Variants in TNC observed in about 807,000 individuals in gnomAD.
The protein encoded by TNC is tenascin C, also known as tenascin.
Under a neutral mutation model 202.4 loss-of-function variants are expected in TNC, and 109 were observed. That is an observed-to-expected ratio of 0.54 (90% CI 0.46 to 0.63). The LOEUF (loss-of-function observed/expected upper bound fraction) is 0.63. Among genes scored for constraint, TNC ranks in the 30% least tolerant of loss-of-function variants. The pLI is 0.00. For synonymous variants in TNC, 1,007 were observed against 1,089.7 expected, an observed-to-expected ratio of 0.92 and a Z score of 1.50; for missense variants, 2,756 against 2,833.3, an observed-to-expected ratio of 0.97 and a Z score of 0.62.
chr9:115,091,643 A>G (rs1051454096), intron 1 of TNC, among the ~76,000 whole-genome samples: 152 of 152,364 alleles, frequency 1.0e-3, no homozygotes, highest in African/African-American at 3.5e-3. Flanking sequence ...GTAGATGTTC[A>G]GTAACTCTTG....
intron 10 of TNC, 105 bp downstream of exon 10, chr9:115,073,498 G>T: frequency 7.2e-7 from 1 of 1,382,442 alleles, no homozygotes; most frequent in Non-Finnish European, 9.8e-7. Context: ...GGAGAAAGTG[G>T]CTTGCTTTTG....
chr9:115,064,997 C>A, intron 10 of TNC, 78 bp from the exon 11 acceptor site: 1 of 1,522,800 alleles, frequency 6.6e-7, no homozygotes, highest in South Asian at 1.2e-5. Flanking sequence ...AATGGCAAAC[C>A]CAATGCCACA....
chr9:115,048,211 C>A (rs186694670), intron 16 of TNC, 49 bp downstream of exon 16: 2 of 1,593,682 alleles, frequency 1.3e-6, no homozygotes, highest in Admixed American at 3.5e-5. Context: ...ACAGATTACA[C>A]AGAAGGGGAC....
At chr9:115,111,144 C>T (rs1031971196) in intron 1 of TNC, among the ~76,000 whole-genome samples, 3 of 152,048 alleles carry the variant, frequency 2.0e-5, no homozygotes, top group Non-Finnish European at 4.4e-5. Context: ...GTGAACTTGT[C>T]ATTGATAAGA....
Position 115,021,174 on chromosome 9 carries a change from T to A in TNC, c.6589A>T (p.Arg2197Trp). The stretch of plus-strand genomic sequence containing the variant: ...CCTGGAATTTATGCCCGTTTGCGCC[T>A]GCCTTCAAGATTTCTGAAGTTGCTT... The part of the protein sequence containing the change: ...RPSNFRNLEG[R>W]RKRA Residue 2197 changes from arginine (R) to tryptophan (W), a missense_variant, in exon 28 of 28, where the codon AGG becomes TGG. By Grantham distance (101) the Arg-to-Trp change is moderately radical. Coordinates refer to ENST00000350763, the MANE Select transcript of TNC (RefSeq NM_002160.4). 1 of 1,613,930 alleles carries A rather than the reference T, an allele frequency of 6.2e-7. No individual in the cohort carries two copies. The highest frequency in any genetic ancestry group is 8.5e-7 in the Non-Finnish European group (1 of 1,179,872).
chr9:115,111,773 G>A (rs961549162), intron 1 of TNC, among the ~76,000 whole-genome samples: 23 of 152,010 alleles, frequency 1.5e-4, no homozygotes, highest in African/African-American at 5.6e-4. Context: ...CATGTGGCAA[G>A]GAACTGAGGG....
At chr9:115,111,431 G>A (rs112637280) in intron 1 of TNC, among the ~76,000 whole-genome samples, 16,380 of 90,632 alleles carry the variant, frequency 0.18, 1,276 homozygotes, top group Middle Eastern at 0.29. Context: ...TTTTTGAGAT[G>A]GAATCTCGCT....
Position 115,048,259 on chromosome 9 carries a change from C to A in TNC, c.4852+1G>T. The A allele has an allele frequency of 6.2e-7, 1 of 1,612,720 alleles. No homozygotes were observed. The highest frequency in any genetic ancestry group is 8.5e-7 in the Non-Finnish European group (1 of 1,179,240). ...CAAATGGCTCACTTGATTTGAAATA[C>A]CTGTAACAATCTCAGCCCTCAAGGG... On this transcript the variant is annotated splice_donor_variant, in intron 16 of 27. Transcript: ENST00000350763. LOFTEE classifies it high-confidence loss of function.
chr9:115,034,110 T>C (rs1830141175), intron 22 of TNC, among the ~76,000 whole-genome samples: 2 of 152,332 alleles, frequency 1.3e-5, no homozygotes, highest in African/African-American at 4.8e-5. Flanking sequence ...ATTCAGATGG[T>C]AGGCTGAGGT....
chr9:115,057,670 T>C (rs1832240674), intron 14 of TNC, among the ~76,000 whole-genome samples: 1 of 152,272 alleles, frequency 6.6e-6, no homozygotes. Flanking sequence ...TTGCCACATA[T>C]AATCAGGCCC....
intron 13 of TNC, among the ~76,000 whole-genome samples, chr9:115,061,771 C>A (rs1832566258): frequency 1.3e-5 from 2 of 152,158 alleles, no homozygotes; most frequent in African/African-American, 4.8e-5. Context: ...TCCCATAGCC[C>A]TTTTTGAAGC....
Position 115,078,160 on chromosome 9 carries a change from G to A in TNC, c.2457C>T (p.Ala819=), listed in dbSNP as rs201854765. 10 of 1,613,106 alleles carry A rather than the reference G, an allele frequency of 6.2e-6. No individual in the cohort carries two copies. In the East Asian group the frequency reaches 1.8e-4, roughly 29 times the overall value. The change falls in exon 7 of 28, where the codon GCC becomes GCT. Residue 819 remains alanine, a synonymous_variant. Transcript: ENST00000350763. ...CCAGGGGCTTGAACCAGGTGATCAA[G>A]GCAGTGGTGTCTGTGACATCTTTCA... ...IEVKDVTDTT[A]LITWFKPLAE...
At chr9:115,094,864 T>A (rs1835512602) in intron 1 of TNC, among the ~76,000 whole-genome samples, 1 of 149,872 alleles carries the variant, frequency 6.7e-6, no homozygotes, top group Non-Finnish European at 1.5e-5. Context: ...TGTGTGTGTG[T>A]GTGTGTGCGT....
chr9:115,051,010 C>A (rs1831605359), intron 15 of TNC, among the ~76,000 whole-genome samples: 1 of 152,048 alleles, frequency 6.6e-6, no homozygotes, highest in Non-Finnish European at 1.5e-5. Flanking sequence ...GCAATTTAGA[C>A]CCTGGGAGAG....
At position 115,020,556 on chromosome 9, in the gene TNC, T is replaced by TAA; in HGVS notation, c.*600_*601insTT. On this transcript the variant is annotated 3_prime_UTR_variant, in exon 28 of 28. Transcript: ENST00000350763. Reference sequence around the variant, plus strand: ...AACTCAAAAGTACTTGTGCTTTTATTTAAAAAAAAAATACAATCAGGTACT... The same window carrying TAA: ...AACTCAAAAGTACTTGTGCTTTTATTAATAAAAAAAAAATACAATCAGGTACT... 2 of 220,868 alleles carry TAA rather than the reference T, an allele frequency of 9.1e-6. No homozygotes were observed. The highest frequency in any genetic ancestry group is 4.1e-5 in the South Asian group (1 of 24,254). The allele number at this position is 220,868 out of a possible 1,614,324, so 13.7% of individuals were successfully genotyped here.
At chr9:115,066,181 CT>C (rs1832937233) in intron 10 of TNC, among the ~76,000 whole-genome samples, 1 of 152,138 alleles carries the variant, frequency 6.6e-6, no homozygotes, top group African/African-American at 2.4e-5. Flanking sequence ...TGAATGCACC[CT>C]GTTCATTCAT....
chr9:115,028,924 G>GAAAAAAAAAAAAAAAAAAAAAA (rs57737243), intron 25 of TNC, among the ~76,000 whole-genome samples: 1 of 63,944 alleles, frequency 1.6e-5, no homozygotes, highest in Non-Finnish European at 2.6e-5. Context: ...CATTATCTCT[G>GAAAAAAAAAAAAAAAAAAAAAA]AAAAAAAAAA....
intron 24 of TNC, 70 bp from the exon 25 acceptor site, chr9:115,029,526 A>G (rs1829795702): frequency 1.4e-6 from 2 of 1,446,600 alleles, no homozygotes. Flanking sequence ...TGTGAGAGGA[A>G]GGAGTGTGGC....
intron 3 of TNC, among the ~76,000 whole-genome samples, chr9:115,085,643 C>T (rs979555323): frequency 3.9e-5 from 6 of 152,192 alleles, no homozygotes; most frequent in Admixed American, 1.3e-4. Flanking sequence ...AATTATATAA[C>T]CTCTCTGAGC....
Sources: gnomAD v4.1 joint callset for allele counts (sites outside exome capture counted in the v4.1 genomes callset) on GRCh38, gnomAD v4.1.1 for gene constraint, MANE v1.5 for transcripts, NCBI Gene and HGNC (gene_info 2026-07-23, HGNC 2026-07-21) for gene names.